EPHB1: variants seen among roughly 807,000 people sequenced by gnomAD.
EPHB1 encodes the protein ephrin type-B receptor 1.
A neutral mutation model predicts 94.4 loss-of-function variants in EPHB1; 30 were observed. The ratio of observed to expected loss-of-function variants is 0.32; its 90% CI spans 0.24 to 0.43. The LOEUF (loss-of-function observed/expected upper bound fraction) is 0.43, where lower values mean the gene tolerates loss of function less well. Among genes scored for constraint, EPHB1 ranks in the 20% least tolerant of loss-of-function variants. The pLI, the probability that EPHB1 is intolerant of heterozygous loss-of-function variation, is 1.00. For synonymous variants in EPHB1, 522 were observed against 489.1 expected, an observed-to-expected ratio of 1.07 and a Z score of -0.89; for missense variants, 1,055 against 1,308.3, an observed-to-expected ratio of 0.81 and a Z score of 2.99.
intron 10 of EPHB1, among the ~76,000 whole-genome samples, chr3:135,192,375 G>A (rs1942483205): frequency 3.0e-4 from 2 of 6,636 alleles, no homozygotes; most frequent in South Asian, 6.1e-3. Flanking sequence ...GGTAAGGAAT[G>A]TACTTTAGTA....
rs186205748 is a variant in EPHB1, at chr3:135,208,281, C to A, written c.2346+6592C>A. Among the ~76,000 whole-genome samples, 15 of 139,492 alleles carry A rather than the reference C, an allele frequency of 1.1e-4. No individual in the cohort carries two copies. The East Asian group carries it at 3.4e-3, about 32-fold the overall frequency. 91.5% of individuals were successfully genotyped at this position (139,492 alleles called of 152,430 possible). On this transcript the variant is annotated intron_variant, in intron 12 of 15. Coordinates refer to ENST00000398015, the MANE Select transcript of EPHB1 (RefSeq NM_004441.5). ...TTGCAGCCTTAGAGCAATGGGAAACCTTTCATGACGTGTGTGTGTGTGTGT... is the reference window on the plus strand; with the variant it reads ...TTGCAGCCTTAGAGCAATGGGAAACATTTCATGACGTGTGTGTGTGTGTGT...
intron 3 of EPHB1, among the ~76,000 whole-genome samples, chr3:135,049,455 A>G (rs1366181460): frequency 1.3e-5 from 2 of 152,196 alleles, no homozygotes; most frequent in East Asian, 3.8e-4. Context: ...CTGAGAACTC[A>G]GCTGGGGCTA....
intron 5 of EPHB1, among the ~76,000 whole-genome samples, chr3:135,144,728 C>T (rs1940952382): frequency 6.6e-6 from 1 of 152,172 alleles, no homozygotes; most frequent in Admixed American, 6.5e-5. Context: ...CTGTGACTCC[C>T]TGCCTTGGGG....
rs553062793 is a variant in EPHB1, at chr3:134,965,897, G to A, written c.805+13845G>A. 5.3e-5 allele frequency among the ~76,000 whole-genome samples: 8 copies of A among 152,274 alleles called. No homozygotes were observed. In the East Asian group the frequency reaches 9.7e-4, roughly 18 times the overall value. On this transcript the variant is annotated intron_variant, in intron 3 of 15. Transcript: ENST00000398015. ...GGGAGGCAGAAGTGCCTGCATCTGC[G>A]CATCCCAGGGGTTGGTGGCCTTGAC... is the stretch of plus-strand genomic sequence containing the variant.
intron 3 of EPHB1, among the ~76,000 whole-genome samples, chr3:135,054,040 T>TATACAC (rs377064799): frequency 0.027 from 3,778 of 139,766 alleles, 59 homozygotes; most frequent in South Asian, 0.083. Flanking sequence ...TATATATATA[T>TATACAC]ACACACACAC....
At chr3:135,141,569 G>A (rs1940831869) in intron 5 of EPHB1, among the ~76,000 whole-genome samples, 1 of 152,154 alleles carries the variant, frequency 6.6e-6, no homozygotes, top group South Asian at 2.1e-4. Flanking sequence ...CTTGCTAGGA[G>A]GTGGGTGTGC....
chr3:135,112,889 G>A (rs944204959), intron 4 of EPHB1, among the ~76,000 whole-genome samples: 6 of 151,966 alleles, frequency 3.9e-5, no homozygotes, highest in Non-Finnish European at 8.8e-5. Context: ...GTTAATCTAG[G>A]GCTTGCAAAA....
At position 135,181,029 on chromosome 3, in the gene EPHB1, AAAG is replaced by A. The variant is rs563433665; in HGVS notation, c.1882+1048_1882+1050del. On this transcript the variant is annotated intron_variant, in intron 10 of 15. Transcript: ENST00000398015. ...TTAACTCAATAAAATATGTTTAGTCAAAGTCTTACAGCTACTTCATATATTATC... is the reference window on the plus strand; with the variant it reads ...TTAACTCAATAAAATATGTTTAGTCATCTTACAGCTACTTCATATATTATC... Among the ~76,000 whole-genome samples, 9 of 152,306 alleles carry A rather than the reference AAAG, an allele frequency of 5.9e-5. No homozygotes were observed. In the East Asian group the frequency reaches 1.7e-3, roughly 29 times the overall value.
At chr3:134,858,024 C>T (rs892349713) in intron 1 of EPHB1, among the ~76,000 whole-genome samples, 1 of 152,154 alleles carries the variant, frequency 6.6e-6, no homozygotes, top group Non-Finnish European at 1.5e-5. Context: ...AGCATGGCAC[C>T]ACCTTAGCAG....
At chr3:135,051,350 C>A (rs1425239627) in intron 3 of EPHB1, among the ~76,000 whole-genome samples, 1 of 152,178 alleles carries the variant, frequency 6.6e-6, no homozygotes, top group Admixed American at 6.5e-5. Flanking sequence ...GTGCTGACCA[C>A]CTTCCAAAGT....
intron 3 of EPHB1, among the ~76,000 whole-genome samples, chr3:135,104,565 C>T (rs973119359): frequency 6.6e-6 from 1 of 152,184 alleles, no homozygotes; most frequent in Non-Finnish European, 1.5e-5. Flanking sequence ...GTGTCTTCCC[C>T]GATCCCAGGG....
intron 3 of EPHB1, among the ~76,000 whole-genome samples, chr3:135,006,562 G>A (rs768683693): frequency 2.0e-5 from 3 of 152,214 alleles, no homozygotes; most frequent in Non-Finnish European, 4.4e-5. Context: ...ATGCAAAGTA[G>A]CATATACCTG....
intron 3 of EPHB1, among the ~76,000 whole-genome samples, chr3:134,989,909 G>A (rs1934735723): frequency 6.6e-6 from 1 of 152,016 alleles, no homozygotes; most frequent in South Asian, 2.1e-4. Context: ...TGAAAGATGA[G>A]GAAGTTGGTA....
intron 12 of EPHB1, among the ~76,000 whole-genome samples, chr3:135,216,140 A>G (rs1161963017): frequency 6.6e-6 from 1 of 152,170 alleles, no homozygotes; most frequent in African/African-American, 2.4e-5. Context: ...TCAACTTCCC[A>G]GATGCCCACC....
chr3:135,022,103 C>A (rs1936004717), intron 3 of EPHB1, among the ~76,000 whole-genome samples: 1 of 152,144 alleles, frequency 6.6e-6, no homozygotes, highest in Non-Finnish European at 1.5e-5. Context: ...CCCCAGCCTC[C>A]CGAGTAGCTG....
chr3:134,810,744 C>T (rs572517530), intron 1 of EPHB1, among the ~76,000 whole-genome samples: 7 of 152,262 alleles, frequency 4.6e-5, no homozygotes, highest in African/African-American at 1.4e-4. Flanking sequence ...GTTCTGCCAT[C>T]GTGGACTCCA....
rs536957467 is a variant in EPHB1, at chr3:135,143,169, G to A, written c.1297+10120G>A. Among the ~76,000 whole-genome samples, 9 of 151,986 alleles carry A rather than the reference G, an allele frequency of 5.9e-5. No homozygotes were observed. The South Asian group carries it at 1.7e-3, about 28-fold the overall frequency. ...CTGATTTGTAAGTGGAGGGCCCAGG[G>A]TGGGGGTGGGCTCAGTAGTCAGTGG... is the stretch of plus-strand genomic sequence containing the variant. On this transcript the variant is annotated intron_variant, in intron 5 of 15. Transcript: ENST00000398015.
intron 14 of EPHB1, 25 bp from the exon 15 acceptor site, chr3:135,249,311 C>A: frequency 6.3e-7 from 1 of 1,597,228 alleles, no homozygotes; most frequent in South Asian, 1.1e-5. Flanking sequence ...AATGTGTGGT[C>A]ACCTGCCCAT....
intron 3 of EPHB1, among the ~76,000 whole-genome samples, chr3:135,053,780 A>AGGGG (rs1207437867): frequency 2.6e-5 from 4 of 152,142 alleles, no homozygotes; most frequent in African/African-American, 9.7e-5. Context: ...TGAGGTCAGA[A>AGGGG]GTTTGAGAAC....
Sources: allele counts gnomAD v4.1 joint callset (sites outside exome capture counted in the v4.1 genomes callset), GRCh38; gene constraint gnomAD v4.1.1; transcripts MANE v1.5; gene names NCBI Gene and HGNC (gene_info 2026-07-23, HGNC 2026-07-21).